Variants in ASMT observed in about 807,000 individuals in gnomAD.
The protein encoded by ASMT is acetylserotonin N-methyltransferase.
Under a neutral mutation model 41.3 loss-of-function variants are expected in ASMT, and 53 were observed. The ratio of observed to expected loss-of-function variants is 1.28; its 90% CI spans 1.03 to 1.61. ASMT has a LOEUF of 1.61. ASMT is among the 40% of genes most tolerant of loss of function. ASMT has a pLI of 0.00. For missense variants in ASMT, 531 were observed against 441.3 expected (o/e 1.20, Z -1.82); for synonymous variants, 231 against 184.8 (o/e 1.25, Z -2.03).
chrX:1,634,496 C>T (rs1415649866), intron 7 of ASMT, among the ~76,000 whole-genome samples: 1 of 152,146 alleles, frequency 6.6e-6, no homozygotes, highest in Admixed American at 6.5e-5. Flanking sequence ...ATAGTAAATC[C>T]CACTGTTAGT....
At position 1,642,803 on chromosome X, in the gene ASMT, G is replaced by T. The variant is rs754590299; in HGVS notation, c.911G>T (p.Gly304Val). 1 of 1,613,852 alleles carries T rather than the reference G, an allele frequency of 6.2e-7. No homozygotes were observed. The highest frequency in any genetic ancestry group is 8.5e-7 in the Non-Finnish European group (1 of 1,179,756). ...LERIYHTCKP[G>V]GGILVIESLL... ...GTGGACTGTGCCCCTCCCTTTCTAG[G>T]TGGTGGCATTCTGGTAATTGAAAGC... The change falls in exon 9 of 9, where the codon GGT becomes GTT. Residue 304 changes from glycine (G) to valine (V), a missense_variant and splice_region_variant. Gly to Val is a moderately radical substitution (Grantham distance 109). Coordinates refer to ENST00000381241, the MANE Select transcript of ASMT (RefSeq NM_001171038.2).
At position 1,623,332 on chromosome X, in the gene ASMT, T is replaced by C. The variant is rs759934651; in HGVS notation, c.244+19T>C. 7 of 1,613,906 alleles carry C rather than the reference T, an allele frequency of 4.3e-6. 1 individual carries two copies. In the South Asian group the frequency reaches 6.6e-5, roughly 15 times the overall value. ...GGAAAAGGTGAGGACACGGGCGTTTTGAAGGAGGCATTTTACATAGACACC... is the reference window on the plus strand; with the variant it reads ...GGAAAAGGTGAGGACACGGGCGTTTCGAAGGAGGCATTTTACATAGACACC... On this transcript the variant is annotated intron_variant, in intron 2 of 8. Transcript: ENST00000381241.
At chrX:1,637,089 A>ATGG (rs1935013904) in intron 8 of ASMT, among the ~76,000 whole-genome samples, 2 of 71,596 alleles carry the variant, frequency 2.8e-5, no homozygotes, top group African/African-American at 5.5e-5. Flanking sequence ...GTGTGAGATA[A>ATGG]GGACTGTGTC....
At chrX:1,637,040 C>T (rs1330208989) in intron 8 of ASMT, among the ~76,000 whole-genome samples, 3 of 104,012 alleles carry the variant, frequency 2.9e-5, no homozygotes, top group Admixed American at 9.0e-5. Flanking sequence ...GAGGTCCATC[C>T]ATCCTGATGG....
intron 1 of ASMT, among the ~76,000 whole-genome samples, chrX:1,621,673 C>G (rs1934342144): frequency 6.6e-6 from 1 of 151,502 alleles, no homozygotes. Flanking sequence ...CTGATTACTG[C>G]TTTATTTTAT....
chrX:1,628,955 CTTCT>C (rs1416987107), intron 4 of ASMT, among the ~76,000 whole-genome samples: 1 of 142,526 alleles, frequency 7.0e-6, no homozygotes, highest in Non-Finnish European at 1.5e-5. Context: ...TCTTTCTTTC[CTTCT>C]TTCTTTCCTT....
chrX:1,619,858 G>A (rs1934275637), intron 1 of ASMT, among the ~76,000 whole-genome samples: 1 of 151,666 alleles, frequency 6.6e-6, no homozygotes, highest in African/African-American at 2.4e-5. Flanking sequence ...TTGGGAGGCC[G>A]AGGAAGGTGG....
At chrX:1,620,746 T>G (rs1305494309) in intron 1 of ASMT, among the ~76,000 whole-genome samples, 1 of 151,900 alleles carries the variant, frequency 6.6e-6, no homozygotes, top group East Asian at 1.9e-4. Flanking sequence ...AAAATTAGCC[T>G]GGCATGGTGG....
intron 1 of ASMT, among the ~76,000 whole-genome samples, chrX:1,617,912 G>C (rs1316188857): frequency 6.6e-6 from 1 of 152,158 alleles, no homozygotes; most frequent in Admixed American, 6.5e-5. Flanking sequence ...TACGCTCATG[G>C]TTGAAGGGAA....
At chrX:1,630,452 C>T (rs1262405532) in intron 5 of ASMT, among the ~76,000 whole-genome samples, 2 of 151,994 alleles carry the variant, frequency 1.3e-5, no homozygotes, top group South Asian at 2.1e-4. Context: ...ATTATGGGTG[C>T]GCACCACTCT....
At chrX:1,619,343 G>A (rs1277220922) in intron 1 of ASMT, among the ~76,000 whole-genome samples, 2 of 149,506 alleles carry the variant, frequency 1.3e-5, no homozygotes, top group Admixed American at 6.7e-5. Flanking sequence ...GCAGTGAGCC[G>A]AGATCACGCC....
At chrX:1,617,298 C>T (rs1249919054) in intron 1 of ASMT, among the ~76,000 whole-genome samples, 4 of 151,564 alleles carry the variant, frequency 2.6e-5, no homozygotes, top group Non-Finnish European at 4.4e-5. Context: ...GGTGAAACCC[C>T]GTCTCTACTA....
At chrX:1,628,246 G>A (rs1469943489) in intron 4 of ASMT, among the ~76,000 whole-genome samples, 5 of 152,256 alleles carry the variant, frequency 3.3e-5, no homozygotes, top group East Asian at 1.9e-4. Context: ...GCTTGAACCC[G>A]GGAGGCGGAG....
At chrX:1,616,891 G>A (rs1381682750) in intron 1 of ASMT, among the ~76,000 whole-genome samples, 3 of 151,908 alleles carry the variant, frequency 2.0e-5, no homozygotes, top group South Asian at 4.2e-4. Flanking sequence ...TGTATTTTTA[G>A]TAGAGACGGG....
intron 3 of ASMT, among the ~76,000 whole-genome samples, chrX:1,626,432 C>G (rs1182143347): frequency 6.6e-6 from 1 of 151,820 alleles, no homozygotes; most frequent in Non-Finnish European, 1.5e-5. Context: ...GGGTTTCACC[C>G]TGTCTTTGAG....
At chrX:1,626,384 A>C (rs1401980260) in intron 3 of ASMT, among the ~76,000 whole-genome samples, 3 of 151,674 alleles carry the variant, frequency 2.0e-5, no homozygotes, top group African/African-American at 7.3e-5. Context: ...ATAGGCATCC[A>C]CCACACCTGG....
At chrX:1,630,578 G>A (rs1484251280) in intron 5 of ASMT, among the ~76,000 whole-genome samples, 2 of 151,754 alleles carry the variant, frequency 1.3e-5, no homozygotes, top group Non-Finnish European at 2.9e-5. Context: ...TAGTTTTTGA[G>A]AGAGGGTCCT....
chrX:1,631,813 G>C (rs2149469171), intron 5 of ASMT, among the ~76,000 whole-genome samples: 1 of 152,224 alleles, frequency 6.6e-6, no homozygotes, highest in South Asian at 2.1e-4. Context: ...ACTTTGGGAG[G>C]CTGAGGCGGG....
Position 1,636,493 on chromosome X carries a change from C to A in ASMT, c.843C>A (p.Val281=). ...PEADLYILAR[V]LHDWADGKCS... ...CTGATCTGTACATCCTGGCCAGGGT[C>A]CTCCATGACTGGGCAGACGGAAAGT... is the stretch of plus-strand genomic sequence containing the variant. The change falls in exon 8 of 9, where the codon GTC becomes GTA. Residue 281 remains valine, a synonymous_variant. Coordinates refer to ENST00000381241, the MANE Select transcript of ASMT (RefSeq NM_001171038.2). 6.2e-7 allele frequency: 1 copy of A among 1,613,932 alleles called. No individual in the cohort carries two copies. The highest frequency in any genetic ancestry group is 8.5e-7 in the Non-Finnish European group (1 of 1,179,864).
Sources: allele counts gnomAD v4.1 joint callset (sites outside exome capture counted in the v4.1 genomes callset), GRCh38; gene constraint gnomAD v4.1.1; transcripts MANE v1.5; gene names NCBI Gene and HGNC (gene_info 2026-07-23, HGNC 2026-07-21).